The following GNAI1 variants were observed in gnomAD, a reference collection of about 807,000 sequenced individuals.
GNAI1 encodes guanine nucleotide-binding protein G(i) subunit alpha-1.
In GNAI1, 11 loss-of-function variants were observed where a neutral mutation model predicts 38.9. The observed-to-expected ratio is 0.28, with a 90% CI of 0.18 to 0.47. The LOEUF (loss-of-function observed/expected upper bound fraction) is 0.47. GNAI1 is among the 20% of genes least tolerant of loss of function. GNAI1 has a pLI of 0.99. For synonymous variants in GNAI1, 166 were observed against 145.1 expected, an observed-to-expected ratio of 1.14 and a Z score of -1.04; for missense variants, 317 against 436.9, an observed-to-expected ratio of 0.73 and a Z score of 2.45.
intron 5 of GNAI1, among the ~76,000 whole-genome samples, chr7:80,204,391 G>C (rs1788738011): frequency 6.6e-6 from 1 of 152,112 alleles, no homozygotes; most frequent in Non-Finnish European, 1.5e-5. Flanking sequence ...CCGAATCGTA[G>C]TCTTTAGAAA....
intron 1 of GNAI1, among the ~76,000 whole-genome samples, chr7:80,141,850 G>A (rs558737903): frequency 1.1e-4 from 16 of 152,196 alleles, no homozygotes; most frequent in African/African-American, 2.6e-4. Flanking sequence ...TGCTTTCCAC[G>A]TAACTGCTGG....
intron 1 of GNAI1, among the ~76,000 whole-genome samples, chr7:80,148,709 C>T (rs1291190739): frequency 6.6e-6 from 1 of 151,938 alleles, no homozygotes; most frequent in Admixed American, 6.6e-5. Flanking sequence ...TGGTTGTGTT[C>T]TAGAAATGAT....
At chr7:80,157,640 A>ATG (rs1216220794) in intron 1 of GNAI1, among the ~76,000 whole-genome samples, 1 of 152,144 alleles carries the variant, frequency 6.6e-6, no homozygotes, top group African/African-American at 2.4e-5. Context: ...ATTCTAATAA[A>ATG]TGTGTAGTGG....
At chr7:80,136,039 G>T (rs1401038423) in intron 1 of GNAI1, 1 of 985,450 alleles carries the variant, frequency 1.0e-6, no homozygotes, top group Non-Finnish European at 1.2e-6. Context: ...TTCTGTCTCC[G>T]CTGCCACCGT....
intron 1 of GNAI1, among the ~76,000 whole-genome samples, chr7:80,185,296 T>C (rs552854416): frequency 6.6e-6 from 1 of 152,202 alleles, no homozygotes; most frequent in Admixed American, 6.5e-5. Context: ...CACTGGATAC[T>C]GACCATTTGC....
At chr7:80,190,226 A>G (rs891202025) in intron 3 of GNAI1, among the ~76,000 whole-genome samples, 1 of 152,106 alleles carries the variant, frequency 6.6e-6, no homozygotes, top group African/African-American at 2.4e-5. Context: ...GGGAATATAC[A>G]TTGGAAAAAT....
Position 80,220,569 on chromosome 7 carries a change from C to T in GNAI1, c.*3076C>T, listed in dbSNP as rs1329916892. Reference sequence around the variant, plus strand: ...GTCCCAGTTGCCATTCTTAAAGTCCCTAAGGCGCTTGTGGTTTCTAAAATT... The same window carrying T: ...GTCCCAGTTGCCATTCTTAAAGTCCTTAAGGCGCTTGTGGTTTCTAAAATT... On this transcript the variant is annotated 3_prime_UTR_variant, in exon 8 of 8. Transcript: ENST00000649796. 6.6e-6 allele frequency among the ~76,000 whole-genome samples: 1 copy of T among 152,194 alleles called. No homozygotes were observed. Among genetic ancestry groups the T allele is most frequent in the Non-Finnish European group, 1.5e-5 (1 of 68,038 alleles).
At chr7:80,171,786 T>C (rs1297347765) in intron 1 of GNAI1, among the ~76,000 whole-genome samples, 1 of 152,210 alleles carries the variant, frequency 6.6e-6, no homozygotes, top group African/African-American at 2.4e-5. Flanking sequence ...AGGAGGGCTC[T>C]TCAGTTATTT....
At chr7:80,169,335 C>G (rs931776949) in intron 1 of GNAI1, among the ~76,000 whole-genome samples, 1 of 152,150 alleles carries the variant, frequency 6.6e-6, no homozygotes, top group Non-Finnish European at 1.5e-5. Context: ...CTGAGGGAAT[C>G]CTTTTGTATT....
At chr7:80,174,405 C>T (rs930681118) in intron 1 of GNAI1, among the ~76,000 whole-genome samples, 13 of 149,796 alleles carry the variant, frequency 8.7e-5, no homozygotes, top group African/African-American at 2.9e-4. Context: ...CTCTAAAATA[C>T]ACTATATATG....
intron 7 of GNAI1, among the ~76,000 whole-genome samples, chr7:80,213,518 T>C (rs558205195): frequency 1.3e-5 from 2 of 152,312 alleles, no homozygotes; most frequent in South Asian, 4.1e-4. Flanking sequence ...CAGTATTCCA[T>C]CTGTGAAGTC....
At chr7:80,202,682 TG>T (rs896094063) in intron 4 of GNAI1, among the ~76,000 whole-genome samples, 1 of 152,234 alleles carries the variant, frequency 6.6e-6, no homozygotes, top group African/African-American at 2.4e-5. Flanking sequence ...TACACTTGAC[TG>T]TCTAAAACAT....
intron 1 of GNAI1, among the ~76,000 whole-genome samples, chr7:80,153,584 A>G (rs1439296647): frequency 6.6e-6 from 1 of 152,188 alleles, no homozygotes; most frequent in Non-Finnish European, 1.5e-5. Flanking sequence ...GTGTAAATAT[A>G]CAAGGGAGTG....
intron 1 of GNAI1, among the ~76,000 whole-genome samples, chr7:80,152,401 TTAAC>T (rs903631980): frequency 4.0e-4 from 61 of 152,334 alleles, no homozygotes; most frequent in African/African-American, 1.4e-3. Context: ...AACACCATTA[TTAAC>T]TGATATACCC....
intron 3 of GNAI1, among the ~76,000 whole-genome samples, chr7:80,191,126 A>G (rs879592471): frequency 2.0e-5 from 3 of 150,234 alleles, no homozygotes; most frequent in Non-Finnish European, 4.4e-5. Flanking sequence ...TTTCTCCATC[A>G]TCATTAACTC....
chr7:80,209,185 T>C (rs1788830281), intron 5 of GNAI1, among the ~76,000 whole-genome samples: 1 of 152,184 alleles, frequency 6.6e-6, no homozygotes, highest in African/African-American at 2.4e-5. Flanking sequence ...CTTCCATGTT[T>C]TTAGGTATTT....
intron 1 of GNAI1, among the ~76,000 whole-genome samples, chr7:80,140,437 A>G (rs190116384): frequency 4.6e-5 from 7 of 152,346 alleles, no homozygotes; most frequent in South Asian, 2.1e-4. Context: ...ACCACAATCA[A>G]TTTTTATTTT....
chr7:80,201,935 CA>C (rs1281442949), intron 4 of GNAI1, among the ~76,000 whole-genome samples: 1 of 152,036 alleles, frequency 6.6e-6, no homozygotes, highest in East Asian at 1.9e-4. Context: ...TCAAGTTGCC[CA>C]TTAGGACTGA....
chr7:80,214,652 A>G (rs770613530), intron 7 of GNAI1, among the ~76,000 whole-genome samples: 3 of 152,146 alleles, frequency 2.0e-5, no homozygotes, highest in Non-Finnish European at 4.4e-5. Flanking sequence ...TGCCCAAAGT[A>G]TTGATTCAGT....
Sources: allele counts gnomAD v4.1 joint callset (sites outside exome capture counted in the v4.1 genomes callset), GRCh38; gene constraint gnomAD v4.1.1; transcripts MANE v1.5; gene names NCBI Gene and HGNC (gene_info 2026-07-23, HGNC 2026-07-21).